CFAP44: variants seen among roughly 807,000 people sequenced by gnomAD.
The protein encoded by CFAP44 is cilia and flagella associated protein 44.
A neutral mutation model predicts 216.2 loss-of-function variants in CFAP44; 134 were observed. That is an observed-to-expected ratio of 0.62 (90% confidence interval 0.54 to 0.72). The LOEUF (loss-of-function observed/expected upper bound fraction) is 0.72, where lower values mean the gene tolerates loss of function less well. CFAP44 is among the 30% of genes least tolerant of loss of function. CFAP44 has a pLI of 0.00. For missense variants in CFAP44, 2,035 were observed against 2,182.1 expected (o/e 0.93, Z 1.34); for synonymous variants, 700 against 727.6 (o/e 0.96, Z 0.61).
At chr3:113,316,996 G>C (rs184948085) in intron 28 of CFAP44, among the ~76,000 whole-genome samples, 1 of 152,118 alleles carries the variant, frequency 6.6e-6, no homozygotes, top group Non-Finnish European at 1.5e-5. Context: ...TGTCTCCAGA[G>C]AGAAAATGCC....
chr3:113,327,874 T>A, intron 26 of CFAP44, 55 bp from the exon 27 acceptor site: 1 of 1,466,218 alleles, frequency 6.8e-7, no homozygotes, highest in Non-Finnish European at 9.2e-7. Flanking sequence ...AATGCATTTT[T>A]AAACTATCTA....
chr3:113,390,970 C>A (rs931154022), intron 15 of CFAP44, among the ~76,000 whole-genome samples: 5 of 152,076 alleles, frequency 3.3e-5, no homozygotes, highest in Admixed American at 3.3e-4. Flanking sequence ...CAATCACATT[C>A]TTCATACACA....
intron 13 of CFAP44, 69 bp from the exon 14 acceptor site, chr3:113,396,796 A>G: frequency 6.9e-7 from 1 of 1,441,808 alleles, no homozygotes; most frequent in South Asian, 1.3e-5. Flanking sequence ...TATAACAGAT[A>G]TTTTATTTAG....
rs76426774 is a variant in CFAP44 at position 113,344,291 on chromosome 3, G to A, written c.3262+225C>T. Among the ~76,000 whole-genome samples, 102 of 152,096 alleles carry A rather than the reference G, an allele frequency of 6.7e-4. 3 individuals carry two copies. The East Asian group carries it at 0.016, about 23-fold the overall frequency. On this transcript the variant is annotated intron_variant, in intron 23 of 34. Coordinates refer to ENST00000393845, the MANE Select transcript of CFAP44 (RefSeq NM_001164496.2). Reference sequence around the variant, plus strand: ...CTTACAAACTACATTAAAGAGGAAAGTGGACATGGAGCATTTCTTGGGAAA... The same window carrying A: ...CTTACAAACTACATTAAAGAGGAAAATGGACATGGAGCATTTCTTGGGAAA...
rs1208955142 is a variant in CFAP44, at chr3:113,326,470, C to T, written c.4491G>A (p.Lys1497=). ...CAGCATCTCCTTCAACTTCTTTTTT[C>T]TTTACCCGTTTAATCTTCTTCTTTA... The part of the protein sequence containing the change: ...KVLKKKIKRV[K]KKEVEGDADE... Residue 1497 remains lysine (K), a synonymous_variant, in exon 28 of 35, where the codon AAG becomes AAA. Coordinates refer to ENST00000393845, the MANE Select transcript of CFAP44 (RefSeq NM_001164496.2). 1 of 1,502,972 alleles carries T rather than the reference C, an allele frequency of 6.7e-7. No homozygotes were observed. Among genetic ancestry groups the T allele is most frequent in the Non-Finnish European group, 8.8e-7 (1 of 1,135,880 alleles). 93.1% of individuals were successfully genotyped at this position (1,502,972 alleles called of 1,614,324 possible).
chr3:113,314,908 G>C (rs914939074), intron 28 of CFAP44, among the ~76,000 whole-genome samples: 1 of 151,854 alleles, frequency 6.6e-6, no homozygotes, highest in Non-Finnish European at 1.5e-5. Flanking sequence ...GAAATATAAA[G>C]AGCAACAACT....
At chr3:113,440,065 T>A (rs1220923344) in intron 1 of CFAP44, among the ~76,000 whole-genome samples, 2 of 152,124 alleles carry the variant, frequency 1.3e-5, no homozygotes, top group Non-Finnish European at 2.9e-5. Flanking sequence ...ATTATTTTAT[T>A]TATGTATTTA....
chr3:113,321,066 T>A (rs747786811), intron 28 of CFAP44, among the ~76,000 whole-genome samples: 6 of 152,084 alleles, frequency 3.9e-5, no homozygotes, highest in Non-Finnish European at 7.4e-5. Context: ...AGAGATATGA[T>A]GAAGAAAGAA....
intron 19 of CFAP44, among the ~76,000 whole-genome samples, chr3:113,363,751 G>C (rs985674646): frequency 6.6e-6 from 1 of 151,992 alleles, no homozygotes. Context: ...GGAGTACATA[G>C]GAAAAGTCTT....
rs1202014443 is a variant in CFAP44 at position 113,406,924 on chromosome 3, C to T, written c.1005+3G>A. 4 of 1,606,914 alleles carry T rather than the reference C, an allele frequency of 2.5e-6. No individual in the cohort carries two copies. In the Admixed American group the frequency reaches 5.0e-5, roughly 20 times the overall value. On this transcript the variant is annotated splice_donor_region_variant and intron_variant, in intron 8 of 34. Transcript: ENST00000393845. The stretch of plus-strand genomic sequence containing the variant: ...AATATTGTAGAATAGTAGCTGTACT[C>T]ACCTTCCCATCTGGGAGCTCCATGT...
At chr3:113,318,348 G>A (rs958348266) in intron 28 of CFAP44, among the ~76,000 whole-genome samples, 2 of 152,114 alleles carry the variant, frequency 1.3e-5, no homozygotes, top group South Asian at 4.1e-4. Flanking sequence ...ATCTCAGTTC[G>A]AGGAATGCTT....
At chr3:113,395,464 G>T (rs919373604) in intron 15 of CFAP44, among the ~76,000 whole-genome samples, 1 of 152,124 alleles carries the variant, frequency 6.6e-6, no homozygotes, top group Non-Finnish European at 1.5e-5. Context: ...CAAAAGTCCC[G>T]TTGGAGCAAA....
chr3:113,411,549 C>A (rs1271656855), intron 6 of CFAP44, among the ~76,000 whole-genome samples: 1 of 152,138 alleles, frequency 6.6e-6, no homozygotes, highest in Non-Finnish European at 1.5e-5. Context: ...GTTACTGTAG[C>A]CTTGTAGTAT....
At chr3:113,420,867 T>C (rs1348268752) in intron 4 of CFAP44, among the ~76,000 whole-genome samples, 1 of 152,196 alleles carries the variant, frequency 6.6e-6, no homozygotes. Context: ...ATGTAATTAA[T>C]AGACTAACAT....
chr3:113,432,098 C>G (rs1193348105), intron 2 of CFAP44: 13 of 152,154 alleles, frequency 8.5e-5, no homozygotes, highest in Admixed American at 8.5e-4. Flanking sequence ...ATCCAGGACT[C>G]AAAACCAAAG....
intron 9 of CFAP44, among the ~76,000 whole-genome samples, 170 bp downstream of exon 9, chr3:113,403,682 A>G (rs1184914578): frequency 2.6e-5 from 4 of 152,224 alleles, no homozygotes; most frequent in Non-Finnish European, 5.9e-5. Flanking sequence ...TAATTTTGAC[A>G]AGAATGCAAA....
intron 8 of CFAP44, among the ~76,000 whole-genome samples, chr3:113,404,223 T>A (rs72944563): frequency 0.018 from 2,816 of 152,312 alleles, 79 homozygotes; most frequent in African/African-American, 0.064. Context: ...CTTCCAGCAA[T>A]ATGATCAGTT....
At position 113,358,530 on chromosome 3, in the gene CFAP44, A is replaced by G. The variant is rs147952692; in HGVS notation, c.3065+215T>C. Among the ~76,000 whole-genome samples, 267 of 152,308 alleles carry G rather than the reference A, an allele frequency of 1.8e-3. 2 individuals are homozygous for G. Among genetic ancestry groups the G allele is most frequent in the Middle Eastern group, 6.8e-3 (2 of 294 alleles). On this transcript the variant is annotated intron_variant, in intron 22 of 34. Transcript: ENST00000393845. ...TGTATTATATAATTTTTAAAATGTA[A>G]GTGTTAAACAAATTTCCCACACTTA...
intron 28 of CFAP44, among the ~76,000 whole-genome samples, chr3:113,313,498 A>G (rs1950058749): frequency 6.6e-6 from 1 of 152,210 alleles, no homozygotes; most frequent in South Asian, 2.1e-4. Flanking sequence ...TTGGGAAGGC[A>G]CGACTGGTTT....
Sources: gnomAD v4.1 joint callset for allele counts (sites outside exome capture counted in the v4.1 genomes callset) on GRCh38, gnomAD v4.1.1 for gene constraint, MANE v1.5 for transcripts, NCBI Gene and HGNC (gene_info 2026-07-23, HGNC 2026-07-21) for gene names.